DCC: variants seen among roughly 807,000 people sequenced by gnomAD.
DCC encodes netrin receptor DCC.
In DCC, 58 loss-of-function variants were observed where a neutral mutation model predicts 172.5. That is an observed-to-expected ratio of 0.34 (90% CI 0.27 to 0.42). The LOEUF (loss-of-function observed/expected upper bound fraction) is 0.42, where lower values mean the gene tolerates loss of function less well. Among genes scored for constraint, DCC ranks in the 10% least tolerant of loss-of-function variants. The pLI, the probability that DCC is intolerant of heterozygous loss-of-function variation, is 1.00. For synonymous variants in DCC, 709 were observed against 644.5 expected, an observed-to-expected ratio of 1.10 and a Z score of -1.52; for missense variants, 1,740 against 1,791.0, an observed-to-expected ratio of 0.97 and a Z score of 0.51.
intron 1 of DCC, among the ~76,000 whole-genome samples, chr18:52,397,828 A>T (rs895338236): frequency 5.3e-5 from 8 of 151,986 alleles, no homozygotes; most frequent in African/African-American, 1.9e-4. Context: ...ATTTGTTTTC[A>T]TCTAGCAAAC....
intron 2 of DCC, among the ~76,000 whole-genome samples, chr18:52,870,011 C>T (rs2039292957): frequency 6.6e-6 from 1 of 151,978 alleles, no homozygotes; most frequent in South Asian, 2.1e-4. Flanking sequence ...CCTCACTGGG[C>T]CCCTTTCTGT....
chr18:52,541,707 T>A (rs1489948802), intron 1 of DCC, among the ~76,000 whole-genome samples: 2 of 151,924 alleles, frequency 1.3e-5, no homozygotes, highest in Non-Finnish European at 2.9e-5. Context: ...TGGCTTTTCA[T>A]CCTTGATATT....
chr18:53,076,648 G>C (rs2042728819), intron 7 of DCC, among the ~76,000 whole-genome samples: 1 of 152,138 alleles, frequency 6.6e-6, no homozygotes, highest in Non-Finnish European at 1.5e-5. Context: ...GTGAGTCTGA[G>C]ATGGTGGTGC....
chr18:52,840,731 A>T (rs948590765), intron 2 of DCC, among the ~76,000 whole-genome samples: 8 of 152,220 alleles, frequency 5.3e-5, no homozygotes, highest in South Asian at 2.1e-4. Flanking sequence ...ATTGGAGGCT[A>T]AAAAGTAAAA....
intron 13 of DCC, among the ~76,000 whole-genome samples, chr18:53,312,965 G>T (rs2057295355): frequency 7.6e-6 from 1 of 130,772 alleles, no homozygotes; most frequent in Non-Finnish European, 1.6e-5. Context: ...GGAGGAGGGA[G>T]TGGGGAGAGG....
intron 2 of DCC, among the ~76,000 whole-genome samples, chr18:52,771,736 C>A (rs1358925206): frequency 1.3e-5 from 2 of 152,082 alleles, no homozygotes; most frequent in Non-Finnish European, 2.9e-5. Flanking sequence ...GGCCAAGTAG[C>A]ACTGAAATGT....
At chr18:53,066,361 A>G (rs1462087390) in intron 7 of DCC, among the ~76,000 whole-genome samples, 195 bp downstream of exon 7, 691 of 47,622 alleles carry the variant, frequency 0.015, 16 homozygotes, top group African/African-American at 0.061. Flanking sequence ...GTGTATATAT[A>G]TATATATATA....
chr18:52,437,221 G>A (rs543836500), intron 1 of DCC, among the ~76,000 whole-genome samples: 1 of 152,308 alleles, frequency 6.6e-6, no homozygotes, highest in South Asian at 2.1e-4. Context: ...ATCTCCATGG[G>A]AGATAGGGCT....
chr18:53,298,814 T>C (rs1419845519), intron 12 of DCC, among the ~76,000 whole-genome samples: 1 of 152,096 alleles, frequency 6.6e-6, no homozygotes, highest in African/African-American at 2.4e-5. Flanking sequence ...TTAAAGAGAA[T>C]AGGAGAAATT....
At chr18:52,810,728 T>C (rs1328540274) in intron 2 of DCC, among the ~76,000 whole-genome samples, 1 of 152,098 alleles carries the variant, frequency 6.6e-6, no homozygotes, top group African/African-American at 2.4e-5. Flanking sequence ...AAAGGGTAGG[T>C]ATTTTTGAAA....
At chr18:53,391,230 T>C (rs182411179) in intron 16 of DCC, among the ~76,000 whole-genome samples, 257 of 152,312 alleles carry the variant, frequency 1.7e-3, no homozygotes, top group African/African-American at 5.5e-3. Context: ...AGGTATTAGA[T>C]AAGCAATTAG....
At chr18:52,562,875 C>T (rs1361239352) in intron 1 of DCC, among the ~76,000 whole-genome samples, 1 of 152,122 alleles carries the variant, frequency 6.6e-6, no homozygotes, top group Non-Finnish European at 1.5e-5. Context: ...AGTGATCCTT[C>T]TGCCTCAGCC....
intron 1 of DCC, among the ~76,000 whole-genome samples, chr18:52,568,284 A>G (rs1041768896): frequency 6.6e-6 from 1 of 152,152 alleles, no homozygotes; most frequent in Non-Finnish European, 1.5e-5. Flanking sequence ...AGCTGTTCTA[A>G]TCATAATCAC....
chr18:53,208,609 A>G (rs1338337031), intron 11 of DCC, among the ~76,000 whole-genome samples: 2 of 152,162 alleles, frequency 1.3e-5, no homozygotes, highest in Admixed American at 6.5e-5. Context: ...TTGAGCATGA[A>G]AAATGTGTAT....
intron 2 of DCC, among the ~76,000 whole-genome samples, chr18:52,872,606 A>T (rs1486596991): frequency 6.6e-6 from 1 of 152,182 alleles, no homozygotes; most frequent in Non-Finnish European, 1.5e-5. Flanking sequence ...CAGGAGACTC[A>T]TCTCTGCCTT....
chr18:53,069,983 CTTTTT>C (rs553792868), intron 7 of DCC, among the ~76,000 whole-genome samples: 14 of 139,094 alleles, frequency 1.0e-4, no homozygotes, highest in Admixed American at 1.4e-4. Context: ...GAAGATAAAG[CTTTTT>C]TTTTTTTTTG....
intron 22 of DCC, 46 bp downstream of exon 22, chr18:53,435,255 A>G (rs757409377): frequency 7.7e-7 from 1 of 1,303,970 alleles, no homozygotes; most frequent in Non-Finnish European, 1.1e-6. Flanking sequence ...TATTAATTAA[A>G]TGGTTAATTC....
At chr18:53,345,425 A>T (rs2057712076) in intron 15 of DCC, among the ~76,000 whole-genome samples, 1 of 152,124 alleles carries the variant, frequency 6.6e-6, no homozygotes. Flanking sequence ...TAATTGTCAT[A>T]TGTATTACAT....
intron 2 of DCC, among the ~76,000 whole-genome samples, chr18:52,881,810 T>G (rs1177284602): frequency 6.6e-6 from 1 of 152,136 alleles, no homozygotes; most frequent in East Asian, 1.9e-4. Flanking sequence ...CATATAAATT[T>G]TAGGAATTTT....
Sources: gnomAD v4.1 joint callset for allele counts (sites outside exome capture counted in the v4.1 genomes callset) on GRCh38, gnomAD v4.1.1 for gene constraint, MANE v1.5 for transcripts, NCBI Gene and HGNC (gene_info 2026-07-23, HGNC 2026-07-21) for gene names.